Variants in NSMF observed in about 807,000 individuals in gnomAD.
NSMF encodes the protein NMDA receptor synaptonuclear signaling and neuronal migration factor, also known as nasal embryonic LHRH factor.
In NSMF, 31 loss-of-function variants were observed where a neutral mutation model predicts 71.0. The ratio of observed to expected loss-of-function variants is 0.44; its 90% CI spans 0.33 to 0.59. NSMF has a LOEUF of 0.59. Among genes scored for constraint, NSMF ranks in the 20% least tolerant of loss-of-function variants. The pLI is 0.04. For missense variants in NSMF, 673 were observed against 740.5 expected (o/e 0.91, Z 1.06); for synonymous variants, 345 against 287.1 (o/e 1.20, Z -2.04).
chr9:137,450,877 A>G (rs1301375243), intron 12 of NSMF, among the ~76,000 whole-genome samples: 4 of 1,692 alleles, frequency 2.4e-3, no homozygotes, highest in South Asian at 0.05. Context: ...TCCCCCCCAC[A>G]CCTCTTCCCC....
rs908087374 is a variant in NSMF, at chr9:137,457,652, C to T, written c.383G>A (p.Arg128Gln). Residue 128 changes from arginine to glutamine, a missense_variant, in exon 3 of 16, where the codon CGG becomes CAG. By Grantham distance (43) the Arg-to-Gln change is conservative (BLOSUM62 1). Transcript: ENST00000371475. ...AIELAVVKGR[R>Q]QRHPHHHSQP... is the part of the protein sequence containing the mutation. ...GCTGTGATGGTGAGGGTGCCGCTGCCGCCGCCCCTTCACCACCGCCAGCTC... is the reference window on the plus strand; with the variant it reads ...GCTGTGATGGTGAGGGTGCCGCTGCTGCCGCCCCTTCACCACCGCCAGCTC... The T allele has an allele frequency of 9.7e-6, 15 of 1,549,518 alleles. 1 individual carries two copies. The highest frequency in any genetic ancestry group is 2.4e-5 in the South Asian group (2 of 84,178).
chr9:137,457,753 G>T lies in NSMF; in HGVS notation c.282C>A (p.Gly94=). The change falls in exon 3 of 16, where the codon GGC becomes GGA. Residue 94 remains glycine (G), a synonymous_variant. Coordinates refer to ENST00000371475, the MANE Select transcript of NSMF (RefSeq NM_001130969.3). Reference sequence around the variant, plus strand: ...TGTACACTCGAGGCTGAGGGCCCTCGCCTGCGGGCTTCCTAATGCTGGGCT... The same window carrying T: ...TGTACACTCGAGGCTGAGGGCCCTCTCCTGCGGGCTTCCTAATGCTGGGCT... ...SEEPSIRKPA[G]EGPQPRVYTI... 6.4e-7 allele frequency: 1 copy of T among 1,559,070 alleles called. No homozygotes were observed. Among genetic ancestry groups the T allele is most frequent in the Non-Finnish European group, 8.7e-7 (1 of 1,151,672 alleles).
intron 12 of NSMF, 78 bp from the exon 13 acceptor site, chr9:137,450,333 G>T: frequency 1.6e-6 from 2 of 1,258,546 alleles, no homozygotes; most frequent in Non-Finnish European, 1.2e-6. Flanking sequence ...CACATGCGTG[G>T]GAGGTAGTTT....
In NSMF at chr9:137,453,163, A is replaced by G. The variant is rs866950013; in HGVS notation, c.940T>C (p.Ser314Pro). The G allele has an allele frequency of 6.2e-7, 1 of 1,612,574 alleles. No individual in the cohort carries two copies. Among genetic ancestry groups the G allele is most frequent in the Non-Finnish European group, 8.5e-7 (1 of 1,179,872 alleles). ...AAGGCCTCGTCCAGCGTGCAGTGGGAGCTCTGCAGGTCACTGCCTGGGAAG... is the reference window on the plus strand; with the variant it reads ...AAGGCCTCGTCCAGCGTGCAGTGGGGGCTCTGCAGGTCACTGCCTGGGAAG... ...DSRDSSDLQS[S>P]HCTLDEAFED... Residue 314 changes from serine to proline, a missense_variant, in exon 9 of 16, where the codon TCC becomes CCC. Around this residue, in one of 2 missense-constraint regions of NSMF, gnomAD observed 471 missense variants for 459.6 expected, o/e 1.02. Transcript: ENST00000371475. This position sits in a 1 kb window ranked among gnomAD's most constrained non-coding sequence, Gnocchi z 4.5.
In NSMF at chr9:137,452,724, G is replaced by A; in HGVS notation, c.1131+12C>T. 1.2e-6 allele frequency: 2 copies of A among 1,604,982 alleles called. No individual in the cohort carries two copies. The highest frequency in any genetic ancestry group is 8.5e-7 in the Non-Finnish European group (1 of 1,176,656). ...GGGCATCTGTTGGGGGCAGGCCCGG[G>A]GCGGGACTCACGTAGAGGATGGGGA... On this transcript the variant is annotated intron_variant, in intron 10 of 15. Transcript: ENST00000371475.
In NSMF at chr9:137,448,448, C is replaced by G. The variant is rs1839711818; in HGVS notation, c.*946G>C. On this transcript the variant is annotated 3_prime_UTR_variant, in exon 16 of 16. Transcript: ENST00000371475. The surrounding 1 kb of genome is among the most constrained non-coding windows in gnomAD (Gnocchi z 5.3). ...AGCTCCTGTGCCCAGTCAGGAGCCC[C>G]TACAGTCCACCAGCTGCGCGGCCGG... The G allele has an allele frequency of 6.6e-6, 1 of 152,296 alleles. No homozygotes were observed. The highest frequency in any genetic ancestry group is 2.4e-5 in the African/African-American group (1 of 41,458). The allele number at this position is 152,296 out of a possible 1,614,324, so 9.4% of individuals were successfully genotyped here.
Position 137,452,448 on chromosome 9 carries a change from G to T in NSMF, c.1166-13C>A, listed in dbSNP as rs781275840. 5.0e-6 allele frequency: 8 copies of T among 1,612,288 alleles called. No individual in the cohort carries two copies. The highest frequency in any genetic ancestry group is 5.9e-6 in the Non-Finnish European group (7 of 1,179,746). On this transcript the variant is annotated splice_polypyrimidine_tract_variant and intron_variant, in intron 11 of 15. Coordinates refer to ENST00000371475, the MANE Select transcript of NSMF (RefSeq NM_001130969.3). ...CTCTCTATCTCCTCTGTGGGAGAGCGGGTGTGAGTGCTGCGGCCCCCACCC... is the reference window on the plus strand; with the variant it reads ...CTCTCTATCTCCTCTGTGGGAGAGCTGGTGTGAGTGCTGCGGCCCCCACCC...
At chr9:137,455,542 C>T (rs988332136) in intron 5 of NSMF, 87 bp downstream of exon 5, 1 of 1,468,940 alleles carries the variant, frequency 6.8e-7, no homozygotes, top group African/African-American at 1.4e-5. Flanking sequence ...ACCCAGGTCC[C>T]TGGCCTGCCC....
At chr9:137,455,537 G>A (rs1830790298) in intron 5 of NSMF, 92 bp downstream of exon 5, 10 of 1,438,022 alleles carry the variant, frequency 7.0e-6, no homozygotes, top group African/African-American at 1.4e-5. Context: ...TCAAGACCCA[G>A]GTCCCTGGCC....
rs1407671092 is a variant in NSMF at position 137,458,478 on chromosome 9, G to A, written c.133+10C>T. On this transcript the variant is annotated intron_variant, in intron 2 of 15. Transcript: ENST00000371475. ...CTGGGCGGCCCTGGCACGGCCTCGC[G>A]TGCCCCTACCTGCGCCGTTGCGGTT... 1.3e-6 allele frequency: 2 copies of A among 1,578,668 alleles called. No individual in the cohort carries two copies. Among genetic ancestry groups the A allele is most frequent in the Non-Finnish European group, 1.7e-6 (2 of 1,165,860 alleles).
intron 5 of NSMF, 40 bp from the exon 6 acceptor site, chr9:137,455,347 G>T: frequency 6.2e-7 from 1 of 1,605,040 alleles, no homozygotes; most frequent in South Asian, 1.1e-5. Context: ...CTTGGCCGGA[G>T]GCAGGAGGGA....
At position 137,452,824 on chromosome 9, in the gene NSMF, G is replaced by T. The variant is rs767830617; in HGVS notation, c.1048-5C>A. 1.3e-6 allele frequency: 2 copies of T among 1,597,058 alleles called. No individual in the cohort carries two copies. Among genetic ancestry groups the T allele is most frequent in the East Asian group, 2.3e-5 (1 of 44,364 alleles). ...GGGCACCTTGGAGGAAATGAGCTGCGGAGACAAAGAGCTGCTCAGGGGCCC... is the reference window on the plus strand; with the variant it reads ...GGGCACCTTGGAGGAAATGAGCTGCTGAGACAAAGAGCTGCTCAGGGGCCC... On this transcript the variant is annotated splice_polypyrimidine_tract_variant and splice_region_variant and intron_variant, in intron 9 of 15. Transcript: ENST00000371475.
rs932393044 is a variant in NSMF at position 137,457,702 on chromosome 9, C to T, written c.333G>A (p.Leu111=). The T allele has an allele frequency of 6.4e-7, 1 of 1,552,688 alleles. No individual in the cohort carries two copies. The highest frequency in any genetic ancestry group is 8.7e-7 in the Non-Finnish European group (1 of 1,148,178). ...CAATGGCCTCCGCCTCAGGGCTGGG[C>T]AGCAGGGCAGGCTCCCCAGAGATGG... ...VYTISGEPAL[L]PSPEAEAIEL... is the part of the protein sequence containing the mutation. Residue 111 remains leucine (L), a synonymous_variant, in exon 3 of 16, where the codon CTG becomes CTA. Coordinates refer to ENST00000371475, the MANE Select transcript of NSMF (RefSeq NM_001130969.3).
At chr9:137,452,257 A>AC in intron 12 of NSMF, 108 bp downstream of exon 12, 2 of 464,928 alleles carry the variant, frequency 4.3e-6, no homozygotes, top group Admixed American at 8.8e-5. Flanking sequence ...TGGTCTCCCC[A>AC]CCCCAACCTC....
chr9:137,456,597 A>C, intron 3 of NSMF, 111 bp from the exon 4 acceptor site: 14 of 600,164 alleles, frequency 2.3e-5, no homozygotes, highest in East Asian at 3.8e-5. Context: ...AGAAGCTGGC[A>C]GCCAGGGCGG....
At chr9:137,458,367 C>T in intron 2 of NSMF, 121 bp downstream of exon 2, 3 of 903,616 alleles carry the variant, frequency 3.3e-6, no homozygotes, top group Non-Finnish European at 5.2e-6. Flanking sequence ...GAAGCCAGGC[C>T]GGCAGGGCGC....
At chr9:137,455,140 C>T (rs1223702803) in intron 6 of NSMF, 99 bp downstream of exon 6, 6 of 1,322,424 alleles carry the variant, frequency 4.5e-6, no homozygotes, top group Non-Finnish European at 6.6e-6. Flanking sequence ...TGGTCGCCAC[C>T]ACCCTTCCCC....
At chr9:137,455,380 C>G in intron 5 of NSMF, 73 bp from the exon 6 acceptor site, 3 of 1,537,236 alleles carry the variant, frequency 2.0e-6, no homozygotes, top group South Asian at 1.1e-5. Context: ...GACAGTGGTG[C>G]GAGCAGAGGG....
At position 137,459,163 on chromosome 9, in the gene NSMF, C is replaced by T. The variant is rs1485428692; in HGVS notation, c.-61G>A. On this transcript the variant is annotated 5_prime_UTR_variant, in exon 1 of 16. Transcript: ENST00000371475. ...CGCGCCCCGCGCCCGCCGCCTCCGC[C>T]GGGGTAGCCGCGCCGCACCGGGGGT... 1.3e-5 allele frequency: 15 copies of T among 1,119,580 alleles called. No individual in the cohort carries two copies. Among genetic ancestry groups the T allele is most frequent in the African/African-American group, 1.7e-5 (1 of 60,448 alleles). 69.4% of individuals were successfully genotyped at this position (1,119,580 alleles called of 1,614,324 possible). A position where few individuals can be genotyped will look rare whatever the true frequency, so the allele number is the denominator to read the frequency against.
Sources: gnomAD v4.1 joint callset for allele counts (sites outside exome capture counted in the v4.1 genomes callset) on GRCh38, gnomAD v4.1.1 for gene constraint, gnomAD v4.1.1 regional missense constraint, Gnocchi (gnomAD v3.1) non-coding constraint, MANE v1.5 for transcripts, NCBI Gene and HGNC (gene_info 2026-07-23, HGNC 2026-07-21) for gene names.